EFCAB6: variants seen among roughly 807,000 people sequenced by gnomAD.
EFCAB6 encodes the protein EF-hand calcium binding domain 6.
Under a neutral mutation model 169.8 loss-of-function variants are expected in EFCAB6, and 156 were observed. The ratio of observed to expected loss-of-function variants is 0.92; its 90% CI spans 0.81 to 1.05. The LOEUF is 1.05. EFCAB6 is among the 50% of genes least tolerant of loss of function. EFCAB6 has a pLI of 0.00. For synonymous variants in EFCAB6, 698 were observed against 676.4 expected (o/e 1.03, Z -0.50); for missense variants, 1,800 against 1,829.1 (o/e 0.98, Z 0.29).
intron 24 of EFCAB6, among the ~76,000 whole-genome samples, chr22:43,583,300 T>C (rs971561585): frequency 2.0e-4 from 31 of 151,440 alleles, no homozygotes; most frequent in African/African-American, 7.5e-4. Flanking sequence ...AGCCCTCTTC[T>C]GCTTGCTCTT....
At chr22:43,736,224 A>T (rs2060132470) in intron 6 of EFCAB6, among the ~76,000 whole-genome samples, 1 of 152,194 alleles carries the variant, frequency 6.6e-6, no homozygotes, top group Admixed American at 6.5e-5. Context: ...TTTAAAAAAA[A>T]TCTCTTTCTC....
At chr22:43,576,078 T>A (rs184540139) in intron 26 of EFCAB6, among the ~76,000 whole-genome samples, 61 of 152,212 alleles carry the variant, frequency 4.0e-4, no homozygotes, top group East Asian at 7.7e-4. Flanking sequence ...TCTTTGAAAA[T>A]TAAAATAAAA....
intron 19 of EFCAB6, 129 bp downstream of exon 19, chr22:43,631,976 G>T: frequency 1.5e-6 from 2 of 1,347,530 alleles, no homozygotes; most frequent in Non-Finnish European, 2.0e-6. Context: ...TGGGTCTGCA[G>T]AGGGAAATGC....
intron 10 of EFCAB6, among the ~76,000 whole-genome samples, chr22:43,700,322 T>G (rs1049492315): frequency 2.0e-5 from 3 of 152,214 alleles, no homozygotes; most frequent in African/African-American, 7.2e-5. Context: ...ATCTGTTTTT[T>G]GTACTATCCA....
intron 3 of EFCAB6, 76 bp from the exon 4 acceptor site, chr22:43,773,179 C>G: frequency 6.9e-7 from 1 of 1,447,308 alleles, no homozygotes; most frequent in Non-Finnish European, 9.4e-7. Context: ...CACTGTTGAA[C>G]GGAACCAAGA....
rs181794079 is a variant in EFCAB6, at chr22:43,649,656, A to G, written c.1984-14440T>C. Among the ~76,000 whole-genome samples, 85 of 152,340 alleles carry G rather than the reference A, an allele frequency of 5.6e-4. 1 individual carries two copies. Among genetic ancestry groups the G allele is most frequent in the African/African-American group, 1.9e-3 (80 of 41,590 alleles). On this transcript the variant is annotated intron_variant, in intron 17 of 31. Coordinates refer to ENST00000262726, the MANE Select transcript of EFCAB6 (RefSeq NM_022785.4). ...ATGCCCAACAAAAAGAGAATGGCTA[A>G]TGTTCTGCTTGTTGGAATATCTTGC...
intron 9 of EFCAB6, among the ~76,000 whole-genome samples, chr22:43,714,079 TAAG>T (rs1319059301): frequency 2.0e-5 from 3 of 152,138 alleles, no homozygotes; most frequent in African/African-American, 7.2e-5. Flanking sequence ...AAATTGTCAT[TAAG>T]AAGGAATATT....
intron 17 of EFCAB6, among the ~76,000 whole-genome samples, chr22:43,660,640 A>C (rs982484325): frequency 6.6e-6 from 1 of 152,088 alleles, no homozygotes; most frequent in East Asian, 1.9e-4. Context: ...ATAAAATGTG[A>C]GTGGAAACTT....
intron 17 of EFCAB6, among the ~76,000 whole-genome samples, chr22:43,666,747 T>C (rs982730336): frequency 1.2e-4 from 17 of 146,846 alleles, no homozygotes; most frequent in African/African-American, 3.7e-4. Context: ...AGCTCTGTGA[T>C]TGGAAACTCT....
chr22:43,652,637 G>A (rs138589951), intron 17 of EFCAB6, among the ~76,000 whole-genome samples: 38 of 152,250 alleles, frequency 2.5e-4, no homozygotes, highest in Admixed American at 1.6e-3. Context: ...TATCTGCCTA[G>A]CAAAGCAGAG....
In EFCAB6 at chr22:43,540,304, G is replaced by A. The variant is rs368066991; in HGVS notation, c.3702C>T (p.Tyr1234=). ...MPVNAKGRLK[Y]PDFLSRFSSE... ...AACTGAACCTGCTCAGGAAGTCCGG[G>A]TATTTCAGCCTCCCCTTGGCATTGA... Residue 1234 remains tyrosine, a synonymous_variant, in exon 28 of 32, where the codon TAC becomes TAT. Transcript: ENST00000262726. The A allele has an allele frequency of 2.5e-5, 40 of 1,614,070 alleles. No individual in the cohort carries two copies. Among genetic ancestry groups the A allele is most frequent in the Non-Finnish European group, 3.3e-5 (39 of 1,180,046 alleles).
intron 20 of EFCAB6, among the ~76,000 whole-genome samples, chr22:43,617,080 A>G: frequency 6.6e-6 from 1 of 152,152 alleles, no homozygotes; most frequent in African/African-American, 2.4e-5. Context: ...ATCTTTCTCC[A>G]ACTGCCTACC....
intron 21 of EFCAB6, among the ~76,000 whole-genome samples, chr22:43,609,836 T>C (rs1033573617): frequency 1.3e-5 from 2 of 152,202 alleles, no homozygotes. Flanking sequence ...AAAGATGTGA[T>C]GTAGGTGCCA....
At chr22:43,700,592 C>T (rs985169116) in intron 10 of EFCAB6, among the ~76,000 whole-genome samples, 8 of 152,196 alleles carry the variant, frequency 5.3e-5, no homozygotes, top group African/African-American at 1.7e-4. Flanking sequence ...AATGACAGAA[C>T]GGTCCCCTCG....
intron 17 of EFCAB6, among the ~76,000 whole-genome samples, chr22:43,637,449 T>C (rs1354555161): frequency 6.6e-6 from 1 of 152,242 alleles, no homozygotes; most frequent in African/African-American, 2.4e-5. Context: ...ACAGACAGTC[T>C]GATTGTGAAA....
intron 26 of EFCAB6, among the ~76,000 whole-genome samples, chr22:43,562,006 A>C (rs2049072319): frequency 1.3e-5 from 2 of 152,144 alleles, no homozygotes; most frequent in African/African-American, 4.8e-5. Context: ...CACACTCCCC[A>C]GCTTATCTGG....
chr22:43,712,654 A>G (rs1301230338), intron 9 of EFCAB6, among the ~76,000 whole-genome samples: 3 of 152,234 alleles, frequency 2.0e-5, no homozygotes, highest in African/African-American at 7.2e-5. Flanking sequence ...GGTGGGCTGC[A>G]TCTGATACAC....
chr22:43,694,883 T>C (rs2058518668), intron 10 of EFCAB6, among the ~76,000 whole-genome samples: 1 of 152,048 alleles, frequency 6.6e-6, no homozygotes, highest in African/African-American at 2.4e-5. Flanking sequence ...AATGGAACGC[T>C]TTCTACCTAA....
chr22:43,702,882 G>A (rs1486440850), intron 10 of EFCAB6, among the ~76,000 whole-genome samples: 1 of 152,156 alleles, frequency 6.6e-6, no homozygotes, highest in Non-Finnish European at 1.5e-5. Flanking sequence ...CATTATCCAA[G>A]CAGGAAAATT....
Sources: allele counts gnomAD v4.1 joint callset (sites outside exome capture counted in the v4.1 genomes callset), GRCh38; gene constraint gnomAD v4.1.1; transcripts MANE v1.5; gene names NCBI Gene and HGNC (gene_info 2026-07-23, HGNC 2026-07-21).